KIAA1217: variants seen among roughly 807,000 people sequenced by gnomAD.
The protein encoded by KIAA1217 is KIAA1217, also known as sickle tail protein homolog.
KIAA1217 carries 88 observed loss-of-function variants against 163.9 expected under a neutral mutation model. The ratio of observed to expected loss-of-function variants is 0.54; its 90% CI spans 0.45 to 0.64. The LOEUF is 0.64. Ranked by LOEUF, KIAA1217 falls within the 30% of genes least tolerant of loss-of-function variation. The pLI, the probability that KIAA1217 is intolerant of heterozygous loss-of-function variation, is 0.00. For synonymous variants in KIAA1217, 903 were observed against 923.1 expected, an observed-to-expected ratio of 0.98 and a Z score of 0.39; for missense variants, 2,372 against 2,475.0, an observed-to-expected ratio of 0.96 and a Z score of 0.88.
chr10:23,717,385 A>G (rs1259008913), intron 1 of KIAA1217, among the ~76,000 whole-genome samples: 2 of 152,018 alleles, frequency 1.3e-5, no homozygotes, highest in African/African-American at 2.4e-5. Context: ...GCTAAACTCT[A>G]CCTGGATTGT....
At chr10:24,395,125 T>C (rs16924724) in intron 3 of KIAA1217, among the ~76,000 whole-genome samples, 3 of 152,126 alleles carry the variant, frequency 2.0e-5, no homozygotes, top group African/African-American at 7.2e-5. Flanking sequence ...TAAGGGCATG[T>C]GAATCAGTCC....
At chr10:24,350,340 T>C (rs2048305164) in intron 2 of KIAA1217, among the ~76,000 whole-genome samples, 1 of 152,120 alleles carries the variant, frequency 6.6e-6, no homozygotes, top group Non-Finnish European at 1.5e-5. Context: ...CTTTACGAAA[T>C]TAGGAGGAGG....
intron 2 of KIAA1217, among the ~76,000 whole-genome samples, chr10:24,267,706 T>C (rs1490589334): frequency 2.0e-5 from 3 of 152,212 alleles, no homozygotes; most frequent in African/African-American, 7.2e-5. Flanking sequence ...TTTTTGTATT[T>C]TGTAGTTAAT....
At chr10:24,255,387 A>G (rs2075032588) in intron 2 of KIAA1217, 1 of 335,860 alleles carries the variant, frequency 3.0e-6, no homozygotes, top group African/African-American at 2.2e-5. Context: ...TGCTGGGAGA[A>G]TGGACGAGCT....
rs112166164 is a variant in KIAA1217 at position 23,940,285 on chromosome 10, C to A, written c.-320-66940C>A. On this transcript the variant is annotated intron_variant, in intron 1 of 18. Coordinates refer to the KIAA1217 transcript ENST00000376462. ...GACCAGTCGGGCCAAAATGGTGAAA[C>A]CCGGTCTCTACTAAAAGTACAAAAA... Among the ~76,000 whole-genome samples, 796 of 151,370 alleles carry A rather than the reference C, an allele frequency of 5.3e-3. 8 individuals carry two copies. Among genetic ancestry groups the A allele is most frequent in the African/African-American group, 0.019 (767 of 41,364 alleles).
At chr10:24,493,203 A>T (rs2066368285) in intron 6 of KIAA1217, among the ~76,000 whole-genome samples, 1 of 152,202 alleles carries the variant, frequency 6.6e-6, no homozygotes, top group Non-Finnish European at 1.5e-5. Context: ...TGTATTTAAT[A>T]GTGTAAGAAT....
intron 2 of KIAA1217, among the ~76,000 whole-genome samples, chr10:24,037,792 T>G (rs1848460031): frequency 6.6e-6 from 1 of 152,226 alleles, no homozygotes; most frequent in Non-Finnish European, 1.5e-5. Context: ...AATGGCTACT[T>G]CCTTATTTTT....
chr10:23,775,268 T>G (rs1389280259), intron 1 of KIAA1217, among the ~76,000 whole-genome samples: 1 of 152,144 alleles, frequency 6.6e-6, no homozygotes, highest in Non-Finnish European at 1.5e-5. Context: ...GTTTCTTGAT[T>G]GATTAATAGG....
chr10:23,958,054 A>G (rs1844647531), intron 1 of KIAA1217, among the ~76,000 whole-genome samples: 1 of 152,230 alleles, frequency 6.6e-6, no homozygotes, highest in Non-Finnish European at 1.5e-5. Flanking sequence ...CAGAAAAAGT[A>G]ATACTTTGGG....
intron 1 of KIAA1217, among the ~76,000 whole-genome samples, chr10:23,720,514 G>T (rs1837819324): frequency 6.6e-6 from 1 of 152,128 alleles, no homozygotes; most frequent in Non-Finnish European, 1.5e-5. Flanking sequence ...TGAATAGACT[G>T]ATAGAATGAA....
chr10:24,346,133 A>G (rs1482494813), intron 2 of KIAA1217, among the ~76,000 whole-genome samples: 1 of 152,168 alleles, frequency 6.6e-6, no homozygotes, highest in Non-Finnish European at 1.5e-5. Flanking sequence ...AGGTTCACGT[A>G]TGTGGCAGCA....
At chr10:24,092,343 A>G (rs568223394) in intron 2 of KIAA1217, among the ~76,000 whole-genome samples, 2 of 151,930 alleles carry the variant, frequency 1.3e-5, no homozygotes, top group Admixed American at 6.5e-5. Context: ...CCAAACTACT[A>G]TCATTATCAA....
intron 1 of KIAA1217, among the ~76,000 whole-genome samples, chr10:23,870,917 T>C (rs1840427761): frequency 6.6e-6 from 1 of 152,114 alleles, no homozygotes; most frequent in Admixed American, 6.6e-5. Flanking sequence ...CAAGGATAAG[T>C]GAAATTAAAT....
chr10:24,133,447 C>A (rs1267261431), intron 2 of KIAA1217, among the ~76,000 whole-genome samples: 1 of 151,880 alleles, frequency 6.6e-6, no homozygotes, highest in Non-Finnish European at 1.5e-5. Flanking sequence ...TTGAGTGCAC[C>A]TGTAATCCCA....
chr10:23,923,117 C>T (rs1280336743), intron 1 of KIAA1217, among the ~76,000 whole-genome samples: 2 of 152,098 alleles, frequency 1.3e-5, no homozygotes, highest in Admixed American at 1.3e-4. Context: ...CCCCGAGTCC[C>T]CAAAGTCCAT....
intron 2 of KIAA1217, among the ~76,000 whole-genome samples, chr10:24,113,676 G>A (rs187115170): frequency 2.0e-4 from 30 of 152,278 alleles, no homozygotes; most frequent in African/African-American, 5.1e-4. Context: ...TGTCAAGACC[G>A]GGAAGACGAG....
chr10:23,921,766 G>A (rs1441545298), intron 1 of KIAA1217, among the ~76,000 whole-genome samples: 1 of 152,134 alleles, frequency 6.6e-6, no homozygotes, highest in East Asian at 1.9e-4. Context: ...CATGAACATG[G>A]TTCATAGTTA....
chr10:24,098,534 C>G (rs1276897575), intron 2 of KIAA1217, among the ~76,000 whole-genome samples: 1 of 152,092 alleles, frequency 6.6e-6, no homozygotes, highest in Admixed American at 6.5e-5. Context: ...AAAGCTACAG[C>G]CTTGATACCC....
intron 1 of KIAA1217, among the ~76,000 whole-genome samples, chr10:23,703,363 C>A (rs990947816): frequency 6.6e-6 from 1 of 152,192 alleles, no homozygotes; most frequent in Non-Finnish European, 1.5e-5. Flanking sequence ...CTGCACCTAG[C>A]TTTATACCAT....
Sources: gnomAD v4.1 joint callset for allele counts (sites outside exome capture counted in the v4.1 genomes callset) on GRCh38, gnomAD v4.1.1 for gene constraint, MANE v1.5 for transcripts, NCBI Gene and HGNC (gene_info 2026-07-23, HGNC 2026-07-21) for gene names.